The following TMEM50B variants were observed in gnomAD, a reference collection of about 807,000 sequenced individuals.
The protein encoded by TMEM50B is transmembrane protein 50B.
TMEM50B carries 14 observed loss-of-function variants against 23.4 expected under a neutral mutation model. That is an observed-to-expected ratio of 0.60 (90% CI 0.39 to 0.93). The LOEUF (loss-of-function observed/expected upper bound fraction) is 0.93. TMEM50B is among the 40% of genes least tolerant of loss of function. TMEM50B has a pLI of 0.00. For synonymous variants in TMEM50B, 64 were observed against 62.3 expected, an observed-to-expected ratio of 1.03 and a Z score of -0.13; for missense variants, 159 against 193.0, an observed-to-expected ratio of 0.82 and a Z score of 1.04.
At chr21:33,457,651 C>CAA (rs11334898) in intron 5 of TMEM50B, among the ~76,000 whole-genome samples, 1 of 123,568 alleles carries the variant, frequency 8.1e-6, no homozygotes, top group African/African-American at 3.0e-5. Context: ...AACTCCAACT[C>CAA]AAAAAAAAAA....
intron 5 of TMEM50B, among the ~76,000 whole-genome samples, chr21:33,459,077 G>C (rs548174958): frequency 6.6e-6 from 1 of 152,338 alleles, no homozygotes; most frequent in East Asian, 1.9e-4. Flanking sequence ...AGAGATTCCA[G>C]AGGTAGAGGA....
chr21:33,455,656 T>G, intron 6 of TMEM50B, 71 bp downstream of exon 6: 1 of 1,265,368 alleles, frequency 7.9e-7, no homozygotes. Context: ...GTGTTCCATA[T>G]ATATGCTGCC....
At chr21:33,446,239 TA>T (rs1232474452), downstream of TMEM50B, among the ~76,000 whole-genome samples, 26 of 112,838 alleles carry the variant, frequency 2.3e-4, no homozygotes, top group East Asian at 1.1e-3. Context: ...TTTTATTTTT[TA>T]TTTTTTATTT....
At chr21:33,458,876 T>G (rs943850477) in intron 5 of TMEM50B, among the ~76,000 whole-genome samples, 2 of 152,230 alleles carry the variant, frequency 1.3e-5, no homozygotes, top group African/African-American at 4.8e-5. Context: ...CCAATGTTAT[T>G]TAAGCCAACC....
At chr21:33,453,563 G>A (rs1385935903) in intron 6 of TMEM50B, among the ~76,000 whole-genome samples, 1 of 151,936 alleles carries the variant, frequency 6.6e-6, no homozygotes, top group African/African-American at 2.4e-5. Flanking sequence ...AGAAATAATG[G>A]CTGAGAAGAA....
At chr21:33,447,719 C>T (rs200745625), downstream of TMEM50B, among the ~76,000 whole-genome samples, 60 of 77,792 alleles carry the variant, frequency 7.7e-4, no homozygotes, top group Non-Finnish European at 1.1e-3. Flanking sequence ...CACACACACA[C>T]ATATATATAT....
rs183973274 is a variant in TMEM50B at position 33,461,161 on chromosome 21, C to T, written c.281-656G>A. Among the ~76,000 whole-genome samples the T allele has an allele frequency of 4.4e-4, 67 of 152,328 alleles. 2 individuals carry two copies. Among genetic ancestry groups the T allele is most frequent in the African/African-American group, 1.5e-3 (64 of 41,576 alleles). On this transcript the variant is annotated intron_variant, in intron 4 of 6. Coordinates refer to ENST00000542230, the MANE Select transcript of TMEM50B (RefSeq NM_006134.7). The stretch of plus-strand genomic sequence containing the variant: ...GCACCAGATCCTGTTCACAGGTATA[C>T]TGACAGCCCCATCAACCTCTGGAAG...
At chr21:33,466,139 T>C (rs113904292) in intron 3 of TMEM50B, among the ~76,000 whole-genome samples, 1 of 152,100 alleles carries the variant, frequency 6.6e-6, no homozygotes, top group Non-Finnish European at 1.5e-5. Context: ...CAGGCACCTG[T>C]AATCCCAGCT....
intron 1 of TMEM50B, chr21:33,479,271 T>C (rs2084403718): frequency 6.4e-6 from 1 of 156,352 alleles, no homozygotes; most frequent in Admixed American, 6.4e-5. Context: ...CGAAAGAATG[T>C]TGTTCCCCTT....
chr21:33,440,133 A>G (rs1040271221), intron 7 of TMEM50B, among the ~76,000 whole-genome samples: 2 of 152,242 alleles, frequency 1.3e-5, no homozygotes, highest in Non-Finnish European at 2.9e-5. Context: ...GGCATAATCC[A>G]TAACCTACTT....
chr21:33,473,936 A>G (rs1261911539), intron 1 of TMEM50B, among the ~76,000 whole-genome samples: 1 of 152,218 alleles, frequency 6.6e-6, no homozygotes, highest in East Asian at 1.9e-4. Context: ...AAGACCATAT[A>G]TTGTGTGATT....
Position 33,460,491 on chromosome 21 carries a change from G to C in TMEM50B, c.295C>G (p.Leu99Val). The C allele has an allele frequency of 6.2e-7, 1 of 1,610,240 alleles. No individual in the cohort carries two copies. Among genetic ancestry groups the C allele is most frequent in the East Asian group, 2.2e-5 (1 of 44,808 alleles). Residue 99 changes from leucine to valine, a missense_variant, in exon 5 of 7, where the codon CTT becomes GTT. Physicochemically the swap from Leu to Val is conservative, Grantham distance 32. Coordinates refer to ENST00000542230, the MANE Select transcript of TMEM50B (RefSeq NM_006134.7). The part of the protein sequence containing the change: ...CLGRTGARVW[L>V]FIGFMLMFGS... ...AACATCAACATGAAACCAATGAAAA[G>C]CCAAACTCGAGCACCTGTGTAGAGA...
At chr21:33,433,912 G>A (rs575559143) in intron 8 of TMEM50B, among the ~76,000 whole-genome samples, 4 of 152,132 alleles carry the variant, frequency 2.6e-5, no homozygotes, top group East Asian at 1.9e-4. Context: ...CCAGGGAAGT[G>A]GCCTGGCTGG....
chr21:33,460,664 A>AT (rs1376029526), intron 4 of TMEM50B, among the ~76,000 whole-genome samples, 159 bp from the exon 5 acceptor site: 3 of 95,062 alleles, frequency 3.2e-5, no homozygotes, highest in African/African-American at 1.4e-4. Flanking sequence ...ATGAATGATG[A>AT]TTTAAAAAAA....
chr21:33,438,896 A>G (rs2083983234), intron 8 of TMEM50B, among the ~76,000 whole-genome samples: 1 of 151,130 alleles, frequency 6.6e-6, no homozygotes. Context: ...TGCCTGGCTA[A>G]TTTTTGTATT....
intron 1 of TMEM50B, among the ~76,000 whole-genome samples, chr21:33,479,524 C>T (rs2084407270): frequency 1.3e-5 from 2 of 152,220 alleles, no homozygotes; most frequent in Admixed American, 6.5e-5. Context: ...CCTCTCCAGC[C>T]CTCCCCAGGA....
At chr21:33,441,478 C>A (rs905267113) in intron 7 of TMEM50B, among the ~76,000 whole-genome samples, 1 of 152,070 alleles carries the variant, frequency 6.6e-6, no homozygotes, top group African/African-American at 2.4e-5. Flanking sequence ...AGATAATTAT[C>A]CTTGGCTATA....
chr21:33,451,700 G>A (rs543548458), intron 6 of TMEM50B, among the ~76,000 whole-genome samples: 14 of 152,302 alleles, frequency 9.2e-5, no homozygotes, highest in African/African-American at 3.1e-4. Flanking sequence ...AAGAAGGGAT[G>A]TGAAGTAGGA....
chr21:33,460,228 A>T, intron 5 of TMEM50B, 185 bp downstream of exon 5: 4 of 520,692 alleles, frequency 7.7e-6, no homozygotes, highest in Non-Finnish European at 1.4e-5. Context: ...TTTCCTAACC[A>T]GGGCTATCCT....
Sources: gnomAD v4.1 joint callset for allele counts (sites outside exome capture counted in the v4.1 genomes callset) on GRCh38, gnomAD v4.1.1 for gene constraint, MANE v1.5 for transcripts, NCBI Gene and HGNC (gene_info 2026-07-23, HGNC 2026-07-21) for gene names.